Variants in POLR1A observed in about 807,000 individuals in gnomAD.
POLR1A encodes the protein DNA-directed RNA polymerase I subunit RPA1.
POLR1A carries 84 observed loss-of-function variants against 205.3 expected under a neutral mutation model. The ratio of observed to expected loss-of-function variants is 0.41; its 90% CI spans 0.34 to 0.49. POLR1A has a LOEUF of 0.49. Ranked by LOEUF, POLR1A falls within the 20% of genes least tolerant of loss-of-function variation. The pLI, the probability that POLR1A is intolerant of heterozygous loss-of-function variation, is 0.22. For synonymous variants in POLR1A, 799 were observed against 863.7 expected (o/e 0.93, Z 1.31); for missense variants, 1,645 against 2,204.5 (o/e 0.75, Z 5.08).
Position 86,070,312 on chromosome 2 carries a change from T to C in POLR1A, c.1612-40A>G, listed in dbSNP as rs764550395. On this transcript the variant is annotated intron_variant, in intron 12 of 33. Coordinates refer to ENST00000263857, the MANE Select transcript of POLR1A (RefSeq NM_015425.6). The surrounding 1 kb of genome is among the most constrained non-coding windows in gnomAD (Gnocchi z 4.4). ...GACAGGTGGGTGATCAGTGCAAACG[T>C]CAGTATCACCACGGCTCTTTCCAAG... The C allele has an allele frequency of 2.6e-6, 4 of 1,556,620 alleles. No homozygotes were observed. The highest frequency in any genetic ancestry group is 3.6e-5 in the Admixed American group (2 of 55,728).
intron 3 of POLR1A, among the ~76,000 whole-genome samples, chr2:86,095,867 A>G (rs1269609358): frequency 6.6e-6 from 1 of 151,902 alleles, no homozygotes; most frequent in Non-Finnish European, 1.5e-5. Flanking sequence ...AGCTGGGACT[A>G]CAGGCGCCTG....
intron 19 of POLR1A, 120 bp from the exon 20 acceptor site, chr2:86,045,889 G>A: frequency 8.6e-6 from 7 of 817,006 alleles, no homozygotes; most frequent in Non-Finnish European, 1.2e-5. Context: ...CCGAGTTCTT[G>A]AAGGCTAACC....
At chr2:86,077,819 A>G (rs760531358) in intron 11 of POLR1A, 40 bp downstream of exon 11, 1,006 of 19,326 alleles carry the variant, frequency 0.052, 12 homozygotes, top group Middle Eastern at 0.14. Context: ...GCGCACACAC[A>G]CACACACACA....
intron 14 of POLR1A, among the ~76,000 whole-genome samples, chr2:86,058,914 C>T (rs979423876): frequency 6.6e-6 from 1 of 151,750 alleles, no homozygotes; most frequent in African/African-American, 2.4e-5. Context: ...GCCAGGGGTT[C>T]GAGACCAGCC....
rs1382578175 is a variant in POLR1A, at chr2:86,028,665, G to C, written c.4826C>G (p.Ala1609Gly). The C allele has an allele frequency of 6.2e-7, 1 of 1,614,198 alleles. No homozygotes were observed. Among genetic ancestry groups the C allele is most frequent in the Non-Finnish European group, 8.5e-7 (1 of 1,179,988 alleles). ...CGCGGCCTCAATGCCATACGTGTTG[G>C]CTATGGCGTGGATGTCGTTGGAGTA... is the stretch of plus-strand genomic sequence containing the variant. ...RLYSNDIHAI[A>G]NTYGIEAALR... The change falls in exon 32 of 34, where the codon GCC (alanine) becomes GGC (glycine). Residue 1609 changes from alanine to glycine, a missense_variant. Around this residue, in one of 16 missense-constraint regions of POLR1A, gnomAD observed 394 missense variants for 468.5 expected, o/e 0.84. Coordinates refer to ENST00000263857, the MANE Select transcript of POLR1A (RefSeq NM_015425.6). This position sits in a 1 kb window ranked among gnomAD's most constrained non-coding sequence, Gnocchi z 4.5.
intron 14 of POLR1A, among the ~76,000 whole-genome samples, chr2:86,055,696 A>G (rs1672883031): frequency 6.6e-6 from 1 of 152,220 alleles, no homozygotes; most frequent in African/African-American, 2.4e-5. Context: ...CTTCATCTGT[A>G]AAATCAATGG....
intron 13 of POLR1A, among the ~76,000 whole-genome samples, chr2:86,067,418 C>A (rs1418520226): frequency 6.6e-6 from 1 of 151,974 alleles, no homozygotes; most frequent in Non-Finnish European, 1.5e-5. Context: ...AAAGTATGGG[C>A]CCTCAATAAA....
intron 27 of POLR1A, among the ~76,000 whole-genome samples, chr2:86,037,527 G>A (rs1393040853): frequency 1.3e-5 from 2 of 152,258 alleles, no homozygotes; most frequent in Non-Finnish European, 2.9e-5. Flanking sequence ...CGACGAATGG[G>A]CATGGCTCAG....
chr2:86,045,434 C>T, intron 20 of POLR1A, 74 bp from the exon 21 acceptor site: 1 of 1,307,114 alleles, frequency 7.7e-7, no homozygotes, highest in Non-Finnish European at 1.1e-6. Context: ...CAGGCCAACA[C>T]CTCCAGCAGC....
chr2:86,098,736 A>C lies in POLR1A; in HGVS notation c.307T>G (p.Ser103Ala). 6.2e-7 allele frequency: 1 copy of C among 1,614,082 alleles called. No homozygotes were observed. The highest frequency in any genetic ancestry group is 8.5e-7 in the Non-Finnish European group (1 of 1,179,990). Reference protein sequence around the residue: ...FDKLYLLLRGSCLNCHMLTCP... With the variant: ...FDKLYLLLRGACLNCHMLTCP... ...GTCAGCATGTGGCAGTTTAAACAAG[A>C]GCCCCGAAGCAGCAGGTACAGCTTC... Residue 103 changes from serine (S) to alanine (A), a missense_variant, in exon 3 of 34, where the codon TCT (serine) becomes GCT (alanine). Ser to Ala is a moderately conservative substitution (Grantham distance 99). Transcript: ENST00000263857.
rs757210116 is a variant in POLR1A at position 86,097,214 on chromosome 2, CAAAAAAAAAAAAAAAA to C, written c.432+1381_432+1396del. On this transcript the variant is annotated intron_variant, in intron 3 of 33. Transcript: ENST00000263857. The stretch of plus-strand genomic sequence containing the variant: ...CATTAGGATGGCTATCCCCAAAAGA[CAAAAAAAAAAAAAAAA>C]AAAAAAAAAAAAGCAAATGCTGGTG... Among the ~76,000 whole-genome samples, 26 of 39,700 alleles carry C rather than the reference CAAAAAAAAAAAAAAAA, an allele frequency of 6.5e-4. 2 individuals are homozygous for C. The highest frequency in any genetic ancestry group is 1.7e-4 in the Non-Finnish European group (4 of 23,790). 26.0% of individuals were successfully genotyped at this position (39,700 alleles called of 152,430 possible).
chr2:86,100,829 C>G (rs536152054), intron 1 of POLR1A, among the ~76,000 whole-genome samples: 10 of 152,174 alleles, frequency 6.6e-5, no homozygotes, highest in African/African-American at 2.4e-4. Flanking sequence ...GAGTAAGCCA[C>G]CATGCCTGGC....
chr2:86,048,404 C>T (rs564387495), intron 18 of POLR1A, among the ~76,000 whole-genome samples: 1 of 152,286 alleles, frequency 6.6e-6, no homozygotes, highest in African/African-American at 2.4e-5. Context: ...TGAGGTGGTG[C>T]CCCTCACAGC....
In POLR1A at chr2:86,023,071, A is replaced by G. The variant is rs1178947748; in HGVS notation, c.*4352T>C. On this transcript the variant is annotated 3_prime_UTR_variant, in exon 34 of 34. Coordinates refer to ENST00000263857, the MANE Select transcript of POLR1A (RefSeq NM_015425.6). ...ATCGATCTTTTTAAAAAGCTCCCTA[A>G]GTGTTTCTAAGGTCCAAAACTGAGA... The G allele has an allele frequency of 6.6e-6, 1 of 152,132 alleles. No homozygotes were observed. The highest frequency in any genetic ancestry group is 1.5e-5 in the Non-Finnish European group (1 of 68,016). 9.4% of individuals were successfully genotyped at this position (152,132 alleles called of 1,614,324 possible). A position where few individuals can be genotyped will look rare whatever the true frequency, so the allele number is the denominator to read the frequency against.
In POLR1A at chr2:86,043,075, T is replaced by G. The variant is rs754120484; in HGVS notation, c.3256A>C (p.Arg1086=). ...TGGGAATAACTCAAGAAGGCGCCTC[T>G]TCTCAGCAGGGTGTTGGGGTGCTTG... ...QSKHPNTLLR[R]GAFLSYSQKI... Residue 1086 remains arginine (R), a synonymous_variant, in exon 23 of 34, where the codon AGA becomes CGA. Transcript: ENST00000263857. The G allele has an allele frequency of 1.9e-6, 3 of 1,614,212 alleles. No individual in the cohort carries two copies. The South Asian group carries it at 3.3e-5, about 18-fold the overall frequency.
rs1454206160 is a variant in POLR1A, at chr2:86,098,657, A to G, written c.386T>C (p.Val129Ala). ...CTCGTAGACTGCTTGTAGGGCCCCG[A>G]CTTCCAGAACCCTCAGCTGGCAGAG... ...LLLCQLRVLE[V>A]GALQAVYELE... The change falls in exon 3 of 34, where the codon GTC (valine) becomes GCC (alanine). Residue 129 changes from valine to alanine, a missense_variant. Transcript: ENST00000263857. 3 of 1,613,680 alleles carry G rather than the reference A, an allele frequency of 1.9e-6. No homozygotes were observed. Among genetic ancestry groups the G allele is most frequent in the Non-Finnish European group, 2.5e-6 (3 of 1,179,896 alleles).
intron 3 of POLR1A, among the ~76,000 whole-genome samples, chr2:86,097,444 A>G (rs1207802927): frequency 6.6e-6 from 1 of 152,166 alleles, no homozygotes; most frequent in East Asian, 1.9e-4. Context: ...CTGCACCCCC[A>G]TGGTTATTGC....
chr2:86,070,716 A>G lies in POLR1A; in HGVS notation c.1612-444T>C. 7.1e-6 allele frequency among the ~76,000 whole-genome samples: 1 copy of G among 140,160 alleles called. No individual in the cohort carries two copies. Among genetic ancestry groups the G allele is most frequent in the Non-Finnish European group, 1.6e-5 (1 of 64,364 alleles). The allele number at this position is 140,160 out of a possible 152,430, so 92.0% of individuals were successfully genotyped here. On this transcript the variant is annotated intron_variant, in intron 12 of 33. Coordinates refer to ENST00000263857, the MANE Select transcript of POLR1A (RefSeq NM_015425.6). The surrounding 1 kb of genome is among the most constrained non-coding windows in gnomAD (Gnocchi z 4.4). ...CGAATCCCCCCCCCGCCGTGATCAC[A>G]TGTGAGTACATTATTCTAAACAGAA...
rs1179907852 is a variant in POLR1A at position 86,040,427 on chromosome 2, G to C, written c.3705C>G (p.Gly1235=). The C allele has an allele frequency of 6.2e-7, 1 of 1,612,836 alleles. No individual in the cohort carries two copies. The highest frequency in any genetic ancestry group is 1.7e-5 in the Admixed American group (1 of 59,806). The part of the protein sequence containing the change: ...QMTLNTFHFA[G]RGEMNVTLGI... ...CCAGGGTGACGTTCATCTCGCCTCTGCCTGCAAAGTGGAAGGTGTTGAGGG... is the reference window on the plus strand; with the variant it reads ...CCAGGGTGACGTTCATCTCGCCTCTCCCTGCAAAGTGGAAGGTGTTGAGGG... Residue 1235 remains glycine, a synonymous_variant, in exon 25 of 34, where the codon GGC becomes GGG. Transcript: ENST00000263857.
Sources: allele counts gnomAD v4.1 joint callset (sites outside exome capture counted in the v4.1 genomes callset), GRCh38; gene constraint gnomAD v4.1.1; regional missense constraint gnomAD v4.1.1; non-coding constraint Gnocchi (gnomAD v3.1); transcripts MANE v1.5; gene names NCBI Gene and HGNC (gene_info 2026-07-23, HGNC 2026-07-21).